Variants in SOX5 observed in about 807,000 individuals in gnomAD.
SOX5 encodes the protein SRY-box transcription factor 5.
Under a neutral mutation model 92.0 loss-of-function variants are expected in SOX5, and 9 were observed. The ratio of observed to expected loss-of-function variants is 0.10; its 90% CI spans 0.06 to 0.17. SOX5 has a LOEUF of 0.17. Among genes scored for constraint, SOX5 ranks in the 10% least tolerant of loss-of-function variants. The pLI, the probability that SOX5 is intolerant of heterozygous loss-of-function variation, is 1.00. For missense variants in SOX5, 642 were observed against 944.5 expected, an observed-to-expected ratio of 0.68 and a Z score of 4.20; for synonymous variants, 344 against 336.3, an observed-to-expected ratio of 1.02 and a Z score of -0.25.
chr12:23,987,747 C>T (rs1240842836), intron 4 of SOX5, among the ~76,000 whole-genome samples: 2 of 152,186 alleles, frequency 1.3e-5, no homozygotes, highest in African/African-American at 4.8e-5. Context: ...GAGCTGCGAT[C>T]AGGCCACCAT....
At chr12:23,847,857 C>T (rs2136089318) in intron 2 of SOX5, among the ~76,000 whole-genome samples, 1 of 152,116 alleles carries the variant, frequency 6.6e-6, no homozygotes, top group East Asian at 1.9e-4. Flanking sequence ...GTAACAATTA[C>T]AAACTCCCGC....
intron 6 of SOX5, among the ~76,000 whole-genome samples, chr12:23,696,712 A>G (rs539977301): frequency 3.4e-4 from 52 of 152,136 alleles, no homozygotes; most frequent in African/African-American, 1.2e-3. Context: ...CACTTTTCCA[A>G]TATATATACT....
intron 1 of SOX5, among the ~76,000 whole-genome samples, chr12:24,430,599 C>T (rs1425448057): frequency 6.6e-6 from 1 of 151,968 alleles, no homozygotes; most frequent in Non-Finnish European, 1.5e-5. Flanking sequence ...AGTGCACTTC[C>T]TTACAAAAAC....
chr12:23,737,526 C>T (rs9971706), intron 5 of SOX5, among the ~76,000 whole-genome samples: 7,164 of 152,044 alleles, frequency 0.047, 561 homozygotes, highest in African/African-American at 0.16. Context: ...GGTGACAATG[C>T]GAGACTCCAT....
At chr12:23,802,359 C>T (rs1286660924) in intron 3 of SOX5, among the ~76,000 whole-genome samples, 5 of 152,096 alleles carry the variant, frequency 3.3e-5, no homozygotes, top group African/African-American at 1.2e-4. Context: ...GGATTATAGG[C>T]GTCAGCCACT....
At chr12:23,711,164 G>A (rs1044860505) in intron 6 of SOX5, among the ~76,000 whole-genome samples, 3 of 151,852 alleles carry the variant, frequency 2.0e-5, no homozygotes, top group African/African-American at 7.3e-5. Flanking sequence ...CTTTTTTTCT[G>A]TTTACATCGG....
At chr12:24,372,176 G>A (rs1956805320) in intron 1 of SOX5, among the ~76,000 whole-genome samples, 1 of 152,090 alleles carries the variant, frequency 6.6e-6, no homozygotes, top group African/African-American at 2.4e-5. Flanking sequence ...GGGTACATGT[G>A]CAGAACGTTC....
intron 2 of SOX5, among the ~76,000 whole-genome samples, chr12:23,860,277 C>T (rs894916937): frequency 6.9e-6 from 1 of 144,436 alleles, no homozygotes; most frequent in African/African-American, 2.6e-5. Context: ...CAAACCTTCA[C>T]ATGTACCCCC....
intron 11 of SOX5, 72 bp from the exon 12 acceptor site, chr12:23,546,496 C>A: frequency 1.2e-6 from 1 of 825,284 alleles, no homozygotes; most frequent in Non-Finnish European, 2.0e-6. Context: ...TTTTGGGCCA[C>A]ATATATAATA....
chr12:24,284,911 G>A (rs963967665), intron 2 of SOX5, among the ~76,000 whole-genome samples: 3 of 152,166 alleles, frequency 2.0e-5, no homozygotes, highest in Non-Finnish European at 2.9e-5. Context: ...GATCACCTGA[G>A]GTCAGGAGTT....
chr12:24,417,335 G>C (rs927407982), intron 1 of SOX5, among the ~76,000 whole-genome samples: 1 of 152,208 alleles, frequency 6.6e-6, no homozygotes, highest in African/African-American at 2.4e-5. Flanking sequence ...ATGTGTATGT[G>C]AGGAAGAAAT....
At chr12:23,765,793 C>T (rs1335090859) in intron 3 of SOX5, among the ~76,000 whole-genome samples, 2 of 152,080 alleles carry the variant, frequency 1.3e-5, no homozygotes, top group Non-Finnish European at 2.9e-5. Context: ...CATGCATGCT[C>T]ACATACACAG....
chr12:24,081,915 G>A (rs1943384290), intron 4 of SOX5, among the ~76,000 whole-genome samples: 1 of 151,854 alleles, frequency 6.6e-6, no homozygotes, highest in Non-Finnish European at 1.5e-5. Context: ...CACCATTTAT[G>A]GTCACCATAT....
At chr12:24,212,403 A>G (rs1958722626) in intron 4 of SOX5, 1 of 533,650 alleles carries the variant, frequency 1.9e-6, no homozygotes, top group Non-Finnish European at 3.8e-6. Context: ...TGTATAATGA[A>G]AACTGAAAAA....
chr12:23,816,168 G>A (rs1409088594), intron 3 of SOX5, among the ~76,000 whole-genome samples: 2 of 151,090 alleles, frequency 1.3e-5, no homozygotes, highest in East Asian at 3.9e-4. Flanking sequence ...GCTCTAGGAG[G>A]TCAAAATCTA....
chr12:23,659,793 G>C (rs1044468103), intron 7 of SOX5, among the ~76,000 whole-genome samples: 1 of 151,920 alleles, frequency 6.6e-6, no homozygotes, highest in African/African-American at 2.4e-5. Context: ...GTGGCAAAAT[G>C]CCATCCCTAC....
At chr12:23,950,862 CACTT>C (rs1376941365), upstream of SOX5, 1 of 1,534,994 alleles carries the variant, frequency 6.5e-7, no homozygotes, top group African/African-American at 1.4e-5. Context: ...GAGAGAGAGA[CACTT>C]ACACAGACAT....
At chr12:23,908,131 AT>A (rs1324458385) in intron 1 of SOX5, among the ~76,000 whole-genome samples, 1 of 152,262 alleles carries the variant, frequency 6.6e-6, no homozygotes, top group African/African-American at 2.4e-5. Flanking sequence ...GGCATGTTTA[AT>A]TTATTTAGGA....
At chr12:23,609,020 G>C (rs534133374) in intron 8 of SOX5, among the ~76,000 whole-genome samples, 6 of 152,248 alleles carry the variant, frequency 3.9e-5, no homozygotes, top group Admixed American at 2.0e-4. Context: ...GAGAAGAAAT[G>C]CATCAGTGTG....
Sources: gnomAD v4.1 joint callset for allele counts (sites outside exome capture counted in the v4.1 genomes callset) on GRCh38, gnomAD v4.1.1 for gene constraint, MANE v1.5 for transcripts, NCBI Gene and HGNC (gene_info 2026-07-23, HGNC 2026-07-21) for gene names.